Variants in PTPN6 observed in about 807,000 individuals in gnomAD.
PTPN6 encodes the protein tyrosine-protein phosphatase non-receptor type 6.
Under a neutral mutation model 81.5 loss-of-function variants are expected in PTPN6, and 18 were observed. The observed-to-expected ratio is 0.22, with a 90% CI of 0.15 to 0.33. PTPN6 has a LOEUF of 0.33. Ranked by LOEUF, PTPN6 falls within the 10% of genes least tolerant of loss-of-function variation. PTPN6 has a pLI of 1.00. For missense variants in PTPN6, 500 were observed against 794.2 expected (o/e 0.63, Z 4.45); for synonymous variants, 301 against 310.9 (o/e 0.97, Z 0.33).
In PTPN6 at chr12:6,957,098, C is replaced by A. The variant is rs1555148839; in HGVS notation, c.1074+530C>A. ...TTGAAGGCTCACCGCCCCCAGCAGC[C>A]CCAGCTCTTTCAGGTTCCCAGCCTT... On this transcript the variant is annotated intron_variant, in intron 9 of 15. Coordinates refer to ENST00000318974, the MANE Select transcript of PTPN6 (RefSeq NM_002831.6). This position sits in a 1 kb window ranked among gnomAD's most constrained non-coding sequence, Gnocchi z 6.5. 6.6e-6 allele frequency among the ~76,000 whole-genome samples: 1 copy of A among 152,188 alleles called. No homozygotes were observed. The highest frequency in any genetic ancestry group is 2.4e-5 in the African/African-American group (1 of 41,442).
Position 6,954,579 on chromosome 12 carries a change from G to C in PTPN6, c.327-226G>C, listed in dbSNP as rs782287715. Among the ~76,000 whole-genome samples, 1 of 152,202 alleles carries C rather than the reference G, an allele frequency of 6.6e-6. No individual in the cohort carries two copies. Among genetic ancestry groups the C allele is most frequent in the Non-Finnish European group, 1.5e-5 (1 of 68,040 alleles). On this transcript the variant is annotated intron_variant, in intron 3 of 15. Coordinates refer to ENST00000318974, the MANE Select transcript of PTPN6 (RefSeq NM_002831.6). The surrounding 1 kb of genome is among the most constrained non-coding windows in gnomAD (Gnocchi z 5.4). ...TCAGTCAAGGGCCCTAGGCCAGTGA[G>C]TAACAGCTCAGCGTCAGTTTCCTCA...
chr12:6,961,189 GC>G lies in PTPN6; in HGVS notation c.*93del. The G allele has an allele frequency of 1.8e-6, 1 of 546,142 alleles. No homozygotes were observed. Among genetic ancestry groups the G allele is most frequent in the Non-Finnish European group, 3.2e-6 (1 of 310,968 alleles). The allele number at this position is 546,142 out of a possible 1,614,324, so 33.8% of individuals were successfully genotyped here. ...AGACTCACAACCTGAACCTAGGAGT[GC>G]CCCATTCTTTTGTAATTTAAATGGC... On this transcript the variant is annotated 3_prime_UTR_variant, in exon 16 of 16. Transcript: ENST00000318974.
chr12:6,949,864 A>G (rs1444296576), upstream of PTPN6, among the ~76,000 whole-genome samples: 2 of 145,148 alleles, frequency 1.4e-5, no homozygotes, highest in East Asian at 4.2e-4. Flanking sequence ...CCCAGGCTGG[A>G]GTGCGGTGGC....
Position 6,955,707 on chromosome 12 carries a change from G to C in PTPN6, c.795G>C (p.Gly265=), listed in dbSNP as rs782737291. 1.9e-6 allele frequency: 3 copies of C among 1,614,000 alleles called. No individual in the cohort carries two copies. The highest frequency in any genetic ancestry group is 2.5e-6 in the Non-Finnish European group (3 of 1,179,976). The change falls in exon 7 of 16, where the codon GGG becomes GGC. Residue 265 remains glycine, a synonymous_variant. Transcript: ENST00000318974. This position sits in a 1 kb window ranked among gnomAD's most constrained non-coding sequence, Gnocchi z 7.2. ...AGAACTTGCACCAGCGTCTGGAAGG[G>C]CAGCGGCCAGAGAACAAGGGCAAGA... ...EVKNLHQRLE[G]QRPENKGKNR...
Position 6,954,279 on chromosome 12 carries a change from T to A in PTPN6, c.327-526T>A, listed in dbSNP as rs1192001600. 1.3e-5 allele frequency among the ~76,000 whole-genome samples: 2 copies of A among 152,178 alleles called. No homozygotes were observed. Among genetic ancestry groups the A allele is most frequent in the African/African-American group, 4.8e-5 (2 of 41,404 alleles). ...TGTGTGTCCATCTCCCACCACTCCC[T>A]GTGGTGTGGCCTCGGTCTGCGTTTC... is the stretch of plus-strand genomic sequence containing the variant. On this transcript the variant is annotated intron_variant, in intron 3 of 15. Coordinates refer to ENST00000318974, the MANE Select transcript of PTPN6 (RefSeq NM_002831.6). This position sits in a 1 kb window ranked among gnomAD's most constrained non-coding sequence, Gnocchi z 5.4.
rs1946129109 is a variant in PTPN6 at position 6,960,932 on chromosome 12, C to T, written c.*12C>T. The T allele has an allele frequency of 6.4e-7, 1 of 1,558,846 alleles. No individual in the cohort carries two copies. Among genetic ancestry groups the T allele is most frequent in the African/African-American group, 1.4e-5 (1 of 73,380 alleles). ...TCAAGAGGAAGTGAGCGGTGCTGTC[C>T]TCAGGTGGCCATGGTACAGCTCTTC... On this transcript the variant is annotated 3_prime_UTR_variant, in exon 15 of 16. Coordinates refer to ENST00000318974, the MANE Select transcript of PTPN6 (RefSeq NM_002831.6). The surrounding 1 kb of genome is among the most constrained non-coding windows in gnomAD (Gnocchi z 6.1).
rs1488831534 is a variant in PTPN6, at chr12:6,956,714, T to G, written c.1074+146T>G. The G allele has an allele frequency of 9.0e-6, 10 of 1,105,038 alleles. No individual in the cohort carries two copies. The highest frequency in any genetic ancestry group is 1.3e-5 in the Non-Finnish European group (10 of 765,324). The allele number at this position is 1,105,038 out of a possible 1,614,324, so 68.5% of individuals were successfully genotyped here. ...GAAACTGAGGGCTAGTGACAAAGTCTCGACTACACAACGTGACCCCCAGAT... is the reference window on the plus strand; with the variant it reads ...GAAACTGAGGGCTAGTGACAAAGTCGCGACTACACAACGTGACCCCCAGAT... On this transcript the variant is annotated intron_variant, in intron 9 of 15. Transcript: ENST00000318974. The surrounding 1 kb of genome is among the most constrained non-coding windows in gnomAD (Gnocchi z 4.1).
At chr12:6,950,937 A>C (rs1218656898), upstream of PTPN6, among the ~76,000 whole-genome samples, 2 of 152,294 alleles carry the variant, frequency 1.3e-5, no homozygotes, top group South Asian at 2.1e-4. Flanking sequence ...CCAATCAGAC[A>C]AGGCATGTGA....
chr12:6,954,356 A>G lies in PTPN6; in HGVS notation c.327-449A>G, dbSNP rs1555148218. ...ACAGTCCCATCCTTCACGGAGATTC[A>G]TCCTTAGCTTCTCTCCTCCAAATAT... On this transcript the variant is annotated intron_variant, in intron 3 of 15. Coordinates refer to ENST00000318974, the MANE Select transcript of PTPN6 (RefSeq NM_002831.6). This position sits in a 1 kb window ranked among gnomAD's most constrained non-coding sequence, Gnocchi z 5.4. 1.3e-5 allele frequency among the ~76,000 whole-genome samples: 2 copies of G among 152,092 alleles called. No individual in the cohort carries two copies. The highest frequency in any genetic ancestry group is 4.8e-5 in the African/African-American group (2 of 41,398).
chr12:6,952,139 C>G lies in PTPN6; in HGVS notation c.288C>G (p.Leu96=). The G allele has an allele frequency of 6.2e-7, 1 of 1,614,146 alleles. No homozygotes were observed. The highest frequency in any genetic ancestry group is 1.1e-5 in the South Asian group (1 of 91,084). Residue 96 remains leucine (L), a synonymous_variant, in exon 3 of 16, where the codon CTC becomes CTG. Transcript: ENST00000318974. The surrounding 1 kb of genome is among the most constrained non-coding windows in gnomAD (Gnocchi z 8.1). ...LQDRDGTIIH[L]KYPLNCSDPT... is the part of the protein sequence containing the mutation. ...ACCGCGACGGCACCATCATCCACCT[C>G]AAGTACCCGCTGAACTGCTCCGATC...
At chr12:6,946,729 C>T, upstream of PTPN6, 1 of 1,612,334 alleles carries the variant, frequency 6.2e-7, no homozygotes, top group South Asian at 1.1e-5. Context: ...CAGAGAGATG[C>T]TGTCCCGTGG....
Position 6,955,846 on chromosome 12 carries a change from G to A in PTPN6, c.844+90G>A. 8.0e-7 allele frequency: 1 copy of A among 1,254,062 alleles called. No homozygotes were observed. The highest frequency in any genetic ancestry group is 1.2e-6 in the Non-Finnish European group (1 of 861,772). 77.7% of individuals were successfully genotyped at this position (1,254,062 alleles called of 1,614,324 possible). On this transcript the variant is annotated intron_variant, in intron 7 of 15. Coordinates refer to ENST00000318974, the MANE Select transcript of PTPN6 (RefSeq NM_002831.6). This position sits in a 1 kb window ranked among gnomAD's most constrained non-coding sequence, Gnocchi z 7.2. Reference sequence around the variant, plus strand: ...TCACAGGTCTCCACCCTCCACGCCAGGAGGGGCCATCTCCCCACACCCCCC... The same window carrying A: ...TCACAGGTCTCCACCCTCCACGCCAAGAGGGGCCATCTCCCCACACCCCCC...
At chr12:6,948,650 G>C (rs1219068013), upstream of PTPN6, among the ~76,000 whole-genome samples, 1 of 151,902 alleles carries the variant, frequency 6.6e-6, no homozygotes, top group Non-Finnish European at 1.5e-5. Flanking sequence ...AAAAGAAAAA[G>C]TGACAACCGG....
In PTPN6 at chr12:6,959,563, A is replaced by C. The variant is rs1946091267; in HGVS notation, c.1362-364A>C. 1 of 456,846 alleles carries C rather than the reference A, an allele frequency of 2.2e-6. No individual in the cohort carries two copies. The highest frequency in any genetic ancestry group is 2.3e-5 in the South Asian group (1 of 42,670). 28.3% of individuals were successfully genotyped at this position (456,846 alleles called of 1,614,324 possible). A position where few individuals can be genotyped will look rare whatever the true frequency, so the allele number is the denominator to read the frequency against. On this transcript the variant is annotated intron_variant, in intron 11 of 15. Transcript: ENST00000318974. The surrounding 1 kb of genome is among the most constrained non-coding windows in gnomAD (Gnocchi z 6.6). ...GACGCTCCATAACTCCTTCAGGGAG[A>C]GGCGGGGAGGGCTCAGGGTACCTGG...
Position 6,956,195 on chromosome 12 carries a change from G to T in PTPN6, c.898G>T (p.Asp300Tyr). ...ACGGGACAGTAACATCCCCGGGTCC[G>T]ACTACATCAATGCCAACTACATCAA... Reference protein sequence around the residue: ...QGRDSNIPGSDYINANYIKNQ... With the variant: ...QGRDSNIPGSYYINANYIKNQ... Residue 300 changes from aspartate (D) to tyrosine (Y), a missense_variant, in exon 8 of 16, where the codon GAC becomes TAC. Physicochemically the swap from Asp to Tyr is radical, Grantham distance 160. Transcript: ENST00000318974. The surrounding 1 kb of genome is among the most constrained non-coding windows in gnomAD (Gnocchi z 4.1). The T allele has an allele frequency of 6.2e-7, 1 of 1,614,176 alleles. No homozygotes were observed. Among genetic ancestry groups the T allele is most frequent in the Non-Finnish European group, 8.5e-7 (1 of 1,180,034 alleles).
rs782777913 is a variant in PTPN6, at chr12:6,959,127, C to T, written c.1362-800C>T. ...AGTCGGCTGAATCTAGAGGTGCCCC[C>T]GATGGGCTGTCCGGGGACGCGGCTC... On this transcript the variant is annotated intron_variant, in intron 11 of 15. Coordinates refer to ENST00000318974, the MANE Select transcript of PTPN6 (RefSeq NM_002831.6). This position sits in a 1 kb window ranked among gnomAD's most constrained non-coding sequence, Gnocchi z 6.6. 7.9e-5 allele frequency among the ~76,000 whole-genome samples: 12 copies of T among 152,226 alleles called. No homozygotes were observed. The highest frequency in any genetic ancestry group is 4.1e-4 in the South Asian group (2 of 4,832).
At chr12:6,950,903 G>A (rs940404889), upstream of PTPN6, among the ~76,000 whole-genome samples, 1 of 152,158 alleles carries the variant, frequency 6.6e-6, no homozygotes, top group Non-Finnish European at 1.5e-5. Flanking sequence ...GATAGCCCCT[G>A]TTTCATAGGG....
chr12:6,956,662 CA>C lies in PTPN6; in HGVS notation c.1074+95del. On this transcript the variant is annotated intron_variant, in intron 9 of 15. Transcript: ENST00000318974. The surrounding 1 kb of genome is among the most constrained non-coding windows in gnomAD (Gnocchi z 4.1). Reference sequence around the variant, plus strand: ...CAGATGCCAGGGCAGAAAGGGATCTCAGGGGTGAGGGTCCGGCCCTTGTTGG... The same window carrying C: ...CAGATGCCAGGGCAGAAAGGGATCTCGGGGTGAGGGTCCGGCCCTTGTTGG... 1 of 1,538,064 alleles carries C rather than the reference CA, an allele frequency of 6.5e-7. No individual in the cohort carries two copies. The highest frequency in any genetic ancestry group is 8.9e-7 in the Non-Finnish European group (1 of 1,123,196).
rs376886181 is a variant in PTPN6 at position 6,957,745 on chromosome 12, A to C, written c.1166A>C (p.Glu389Ala). 1.7e-5 allele frequency: 27 copies of C among 1,613,756 alleles called. No individual in the cohort carries two copies. In the African/African-American group the frequency reaches 3.3e-4, roughly 20 times the overall value. The change falls in exon 10 of 16, where the codon GAA (glutamate) becomes GCA (alanine). Residue 389 changes from glutamate (E) to alanine (A), a missense_variant. By Grantham distance (107) the Glu-to-Ala change is moderately radical. Coordinates refer to ENST00000318974, the MANE Select transcript of PTPN6 (RefSeq NM_002831.6). The surrounding 1 kb of genome is among the most constrained non-coding windows in gnomAD (Gnocchi z 6.5). ...AACTGCGGGGAGCATGACACAACCG[A>C]ATACAAACTCCGTACCTTACAGGTC... ...VTNCGEHDTT[E>A]YKLRTLQVSP...
Sources: gnomAD v4.1 joint callset for allele counts (sites outside exome capture counted in the v4.1 genomes callset) on GRCh38, gnomAD v4.1.1 for gene constraint, Gnocchi (gnomAD v3.1) non-coding constraint, MANE v1.5 for transcripts, NCBI Gene and HGNC (gene_info 2026-07-23, HGNC 2026-07-21) for gene names.